The following NHSL1 variants were observed in gnomAD, a reference collection of about 807,000 sequenced individuals.
NHSL1 encodes the protein NHS-like protein 1.
NHSL1 carries 48 observed loss-of-function variants against 95.0 expected under a neutral mutation model. The observed-to-expected ratio is 0.51, with a 90% CI of 0.40 to 0.64. NHSL1 has a LOEUF of 0.64. Among genes scored for constraint, NHSL1 ranks in the 30% least tolerant of loss-of-function variants. The probability of loss-of-function intolerance (pLI) is 0.00; values close to 1 mark genes in which losing one functional copy is unlikely to be tolerated. For missense variants in NHSL1, 1,971 were observed against 2,077.7 expected, an observed-to-expected ratio of 0.95 and a Z score of 1.00; for synonymous variants, 783 against 833.9, an observed-to-expected ratio of 0.94 and a Z score of 1.05.
chr6:138,662,716 T>A (rs529629095), intron 1 of NHSL1, among the ~76,000 whole-genome samples: 1 of 152,264 alleles, frequency 6.6e-6, no homozygotes, highest in Admixed American at 6.5e-5. Flanking sequence ...TGACGACTAT[T>A]CATTTATCCT....
chr6:138,502,424 G>C (rs556902753), upstream of NHSL1, among the ~76,000 whole-genome samples: 9 of 151,574 alleles, frequency 5.9e-5, no homozygotes, highest in African/African-American at 2.2e-4. Context: ...CAACAGAAAA[G>C]ATATAAATCC....
chr6:138,595,684 C>T (rs1027948622), intron 1 of NHSL1, among the ~76,000 whole-genome samples: 1 of 152,134 alleles, frequency 6.6e-6, no homozygotes, highest in Non-Finnish European at 1.5e-5. Flanking sequence ...CTCCCTCTTT[C>T]CTTTCTTGAA....
intron 3 of NHSL1, among the ~76,000 whole-genome samples, chr6:138,462,351 A>G (rs1463806635): frequency 6.6e-6 from 1 of 152,170 alleles, no homozygotes; most frequent in African/African-American, 2.4e-5. Flanking sequence ...TGGCTTTATA[A>G]CAACTGACTC....
At chr6:138,646,653 G>C (rs1269432695) in intron 1 of NHSL1, among the ~76,000 whole-genome samples, 1 of 152,212 alleles carries the variant, frequency 6.6e-6, no homozygotes. Context: ...CAACTCCTGA[G>C]GGTAAGGGGT....
chr6:138,464,693 T>C (rs985103556), intron 3 of NHSL1, among the ~76,000 whole-genome samples: 9 of 149,818 alleles, frequency 6.0e-5, no homozygotes, highest in East Asian at 3.9e-4. Flanking sequence ...AGATATTTTC[T>C]CTTCACTTTT....
chr6:138,654,578 CT>C (rs907670456), intron 1 of NHSL1, among the ~76,000 whole-genome samples: 12 of 151,114 alleles, frequency 7.9e-5, no homozygotes, highest in Non-Finnish European at 1.2e-4. Flanking sequence ...CCATATCATT[CT>C]TTTTTTTTAT....
chr6:138,565,209 C>G lies in NHSL1; in HGVS notation c.202+6501G>C, dbSNP rs982776609. The stretch of plus-strand genomic sequence containing the variant: ...GCAACCTCCGCCTCCTGGGTTCAAG[C>G]GATTCTCCTGCCTCAGCCTCCCAAG... On this transcript the variant is annotated intron_variant, in intron 1 of 6. Transcript: ENST00000427025. 2.0e-5 allele frequency among the ~76,000 whole-genome samples: 3 copies of G among 152,022 alleles called. No homozygotes were observed. The East Asian group carries it at 5.8e-4, about 29-fold the overall frequency.
chr6:138,569,381 TA>T (rs978921349), intron 1 of NHSL1, among the ~76,000 whole-genome samples: 58 of 151,912 alleles, frequency 3.8e-4, no homozygotes, highest in African/African-American at 4.8e-4. Flanking sequence ...TAATGTAAGT[TA>T]GGGGGGTTGC....
chr6:138,575,162 G>A (rs1783949232), upstream of NHSL1, among the ~76,000 whole-genome samples: 1 of 152,152 alleles, frequency 6.6e-6, no homozygotes, highest in Non-Finnish European at 1.5e-5. Flanking sequence ...GCCTCCCAAA[G>A]TGCTGGGATT....
At chr6:138,609,204 G>T (rs909193014) in intron 1 of NHSL1, among the ~76,000 whole-genome samples, 4 of 152,150 alleles carry the variant, frequency 2.6e-5, no homozygotes, top group African/African-American at 9.7e-5. Flanking sequence ...GGCCTCCAAG[G>T]GTGGGCAGAA....
intron 1 of NHSL1, among the ~76,000 whole-genome samples, chr6:138,673,039 A>ATAGATAGG (rs1554259680): frequency 0.062 from 633 of 10,286 alleles, 4 homozygotes; most frequent in African/African-American, 0.084. Context: ...AGGTAGATAG[A>ATAGATAGG]TAGATAGATA....
chr6:138,544,983 CTTTTTT>C (rs35979187), intron 1 of NHSL1, among the ~76,000 whole-genome samples: 77 of 83,390 alleles, frequency 9.2e-4, no homozygotes, highest in East Asian at 4.1e-4. Context: ...TCTTTCTTTT[CTTTTTT>C]TTTTTTTTTT....
intron 7 of NHSL1, among the ~76,000 whole-genome samples, chr6:138,427,902 C>T (rs1232876487): frequency 2.0e-5 from 3 of 152,156 alleles, no homozygotes; most frequent in Non-Finnish European, 4.4e-5. Flanking sequence ...TAGCATATGT[C>T]CTCACTCTCT....
intron 1 of NHSL1, among the ~76,000 whole-genome samples, chr6:138,674,091 C>T (rs951507998): frequency 9.2e-5 from 14 of 151,988 alleles, no homozygotes; most frequent in African/African-American, 3.4e-4. Context: ...GATAAAACTA[C>T]ATATACATGA....
chr6:138,684,501 T>C (rs1029026922), intron 1 of NHSL1, among the ~76,000 whole-genome samples: 3 of 151,998 alleles, frequency 2.0e-5, no homozygotes, highest in Non-Finnish European at 4.4e-5. Flanking sequence ...CAAAATTAGC[T>C]GGGCGTGGTG....
intron 1 of NHSL1, among the ~76,000 whole-genome samples, chr6:138,581,938 C>T (rs1257602281): frequency 7.2e-6 from 1 of 138,592 alleles, no homozygotes; most frequent in Non-Finnish European, 1.5e-5. Flanking sequence ...TGCTCTGTTG[C>T]TTAGGCTGGA....
intron 5 of NHSL1, 93 bp from the exon 6 acceptor site, chr6:138,433,773 A>T (rs12209548): frequency 5.8e-6 from 8 of 1,390,468 alleles, no homozygotes; most frequent in Non-Finnish European, 7.5e-6. Context: ...TTTTAAAAAA[A>T]TTTTTCTATT....
At chr6:138,488,115 T>G (rs1779830351) in intron 2 of NHSL1, among the ~76,000 whole-genome samples, 1 of 152,072 alleles carries the variant, frequency 6.6e-6, no homozygotes, top group African/African-American at 2.4e-5. Context: ...CCGTCTGTCC[T>G]AAAAATACAA....
rs1434113407 is a variant in NHSL1 at position 138,651,018 on chromosome 6, T to C, written c.96+41458A>G. ...TCTTCCTTAATTAAAGCAAGTTCGA[T>C]CTCATCGTAACAAAGTTCTTCTAAA... is the stretch of plus-strand genomic sequence containing the variant. On this transcript the variant is annotated intron_variant, in intron 1 of 3. Coordinates refer to the NHSL1 transcript ENST00000491526. The C allele has an allele frequency of 1.4e-5, 6 of 434,562 alleles. No homozygotes were observed. The Admixed American group carries it at 1.7e-4, about 13-fold the overall frequency. The allele number at this position is 434,562 out of a possible 1,614,324, so 26.9% of individuals were successfully genotyped here. A position where few individuals can be genotyped will look rare whatever the true frequency, so the allele number is the denominator to read the frequency against.
Sources: allele counts gnomAD v4.1 joint callset (sites outside exome capture counted in the v4.1 genomes callset), GRCh38; gene constraint gnomAD v4.1.1; transcripts MANE v1.5; gene names NCBI Gene and HGNC (gene_info 2026-07-23, HGNC 2026-07-21).